Variants in DIAPH2 observed in about 807,000 individuals in gnomAD.
DIAPH2 encodes the protein diaphanous related formin 2.
Under a neutral mutation model 92.7 loss-of-function variants are expected in DIAPH2, and 35 were observed. That is an observed-to-expected ratio of 0.38 (90% CI 0.29 to 0.50). The LOEUF (loss-of-function observed/expected upper bound fraction) is 0.50, where lower values mean the gene tolerates loss of function less well. DIAPH2 is among the 20% of genes least tolerant of loss of function. The pLI is 0.94. For synonymous variants in DIAPH2, 301 were observed against 280.4 expected (o/e 1.07, Z -0.73); for missense variants, 701 against 819.5 (o/e 0.86, Z 1.77).
At chrX:97,308,354 C>T (rs768830329) in intron 23 of DIAPH2, among the ~76,000 whole-genome samples, 1 of 111,543 alleles carries the variant, frequency 9.0e-6, no homozygotes, top group South Asian at 3.8e-4. Context: ...AGTCTTCCCA[C>T]ACTGTGCTTA....
rs1410062234 is a variant in DIAPH2 at position 96,752,022 on chromosome X, A to C, written c.343-6132A>C. Among the ~76,000 whole-genome samples, 15 of 111,986 alleles carry C rather than the reference A, an allele frequency of 1.3e-4. No homozygotes were observed. The East Asian group carries it at 3.9e-3, about 29-fold the overall frequency. On this transcript the variant is annotated intron_variant, in intron 3 of 26. Transcript: ENST00000324765. ...ATGTATTATAGATATATCAAATGTT[A>C]AACATGCTAAAAGCTTGCTTTTGTT...
chrX:96,841,101 C>T (rs233688), intron 4 of DIAPH2, among the ~76,000 whole-genome samples: 46,322 of 110,648 alleles, frequency 0.42, 8,300 homozygotes, highest in African/African-American at 0.71. Context: ...AACCAATTGC[C>T]TTGCATTTTG....
intron 1 of DIAPH2, among the ~76,000 whole-genome samples, chrX:96,729,382 G>A (rs1034618937): frequency 1.8e-5 from 2 of 111,994 alleles, no homozygotes; most frequent in Admixed American, 9.5e-5. Context: ...GGCACTAAGT[G>A]ACTTCCTCCA....
chrX:96,985,213 G>A (rs1296300721), intron 17 of DIAPH2, among the ~76,000 whole-genome samples: 1 of 111,426 alleles, frequency 9.0e-6, no homozygotes, highest in Non-Finnish European at 1.9e-5. Flanking sequence ...GCTTATCTGA[G>A]TACCAGGATG....
In DIAPH2 at chrX:97,227,282, A is replaced by C. The variant is rs770485767; in HGVS notation, c.2720-20433A>C. Among the ~76,000 whole-genome samples, 4 of 111,407 alleles carry C rather than the reference A, an allele frequency of 3.6e-5. No homozygotes were observed. In the East Asian group the frequency reaches 8.4e-4, roughly 23 times the overall value. Reference sequence around the variant, plus strand: ...AAGCAAGACTTCGTCTAAAAAAAAAACTCACAAAATCAATAAAGCAATGTG... The same window carrying C: ...AAGCAAGACTTCGTCTAAAAAAAAACCTCACAAAATCAATAAAGCAATGTG... On this transcript the variant is annotated intron_variant, in intron 22 of 26. Coordinates refer to ENST00000324765, the MANE Select transcript of DIAPH2 (RefSeq NM_006729.5).
In DIAPH2 at chrX:96,937,330, A is replaced by G. The variant is rs1209311891; in HGVS notation, c.1187A>G (p.Asn396Ser). The stretch of plus-strand genomic sequence containing the variant: ...CTAACTGAATTATCACACCGTCTCA[A>G]TGACATTCGAGCAGAAATGGAATAT... ...DDLTELSHRL[N>S]DIRAEMDDMN... The change falls in exon 11 of 27, where the codon AAT (asparagine) becomes AGT (serine). Residue 396 changes from asparagine to serine, a missense_variant. By Grantham distance (46) the Asn-to-Ser change is conservative. Transcript: ENST00000324765. The G allele has an allele frequency of 5.3e-6, 6 of 1,136,647 alleles. No individual in the cohort carries two copies. Among genetic ancestry groups the G allele is most frequent in the Middle Eastern group, 2.5e-4 (1 of 4,026 alleles). 93.7% of individuals were successfully genotyped at this position (1,136,647 alleles called of 1,213,427 possible).
intron 25 of DIAPH2, among the ~76,000 whole-genome samples, chrX:97,387,068 G>C (rs1477042869): frequency 9.0e-6 from 1 of 110,945 alleles, no homozygotes; most frequent in Admixed American, 9.6e-5. Flanking sequence ...TTTTGTTTTT[G>C]TTTTGTTTTT....
chrX:97,381,074 CAT>C (rs1012751234), intron 24 of DIAPH2, among the ~76,000 whole-genome samples: 2 of 111,478 alleles, frequency 1.8e-5, no homozygotes, highest in African/African-American at 3.2e-5. Context: ...GCTTCCCTCT[CAT>C]ATAAAAATTT....
chrX:96,794,975 G>T (rs2064527951), intron 4 of DIAPH2, among the ~76,000 whole-genome samples: 1 of 111,474 alleles, frequency 9.0e-6, no homozygotes, highest in African/African-American at 3.3e-5. Context: ...ACTCTTCTCT[G>T]TATGTCTTTT....
intron 24 of DIAPH2, among the ~76,000 whole-genome samples, chrX:97,352,388 A>C (rs776816742): frequency 9.0e-6 from 1 of 111,548 alleles, no homozygotes; most frequent in Non-Finnish European, 1.9e-5. Context: ...GCAGAATTGG[A>C]TAATGTCTTT....
chrX:96,886,888 G>T (rs949953017), intron 5 of DIAPH2, among the ~76,000 whole-genome samples: 2 of 102,759 alleles, frequency 1.9e-5, no homozygotes, highest in African/African-American at 7.4e-5. Context: ...TATACTAGGA[G>T]CATGCGGAGG....
At chrX:97,416,304 A>G (rs1005742338) in intron 25 of DIAPH2, among the ~76,000 whole-genome samples, 8 of 111,960 alleles carry the variant, frequency 7.1e-5, no homozygotes, top group Non-Finnish European at 1.3e-4. Context: ...GCTTTTATAC[A>G]TTGCTGACCA....
intron 23 of DIAPH2, among the ~76,000 whole-genome samples, chrX:97,275,253 C>T (rs747419405): frequency 2.0e-4 from 20 of 101,294 alleles, no homozygotes; most frequent in African/African-American, 5.6e-4. Context: ...CCAGACGGGG[C>T]GGCTGGCCGG....
intron 24 of DIAPH2, among the ~76,000 whole-genome samples, chrX:97,382,772 A>T (rs1347498995): frequency 1.8e-5 from 2 of 111,680 alleles, no homozygotes; most frequent in African/African-American, 6.5e-5. Context: ...AGTCAGGAGA[A>T]TTTTGAAAGT....
At chrX:97,311,499 T>G (rs1408947385) in intron 23 of DIAPH2, among the ~76,000 whole-genome samples, 1 of 111,254 alleles carries the variant, frequency 9.0e-6, no homozygotes, top group Admixed American at 9.6e-5. Context: ...GGGAAGCCTG[T>G]GAGCCGGGAG....
At chrX:97,079,196 A>G (rs1034349149) in intron 19 of DIAPH2, among the ~76,000 whole-genome samples, 2 of 110,928 alleles carry the variant, frequency 1.8e-5, no homozygotes, top group African/African-American at 6.6e-5. Context: ...CCTAACCCCT[A>G]TATACACCAG....
chrX:96,687,519 A>T (rs2063777697), intron 1 of DIAPH2, among the ~76,000 whole-genome samples: 1 of 108,609 alleles, frequency 9.2e-6, no homozygotes, highest in Non-Finnish European at 1.9e-5. Flanking sequence ...GGCTCACTGC[A>T]ACCTCTGCCT....
intron 26 of DIAPH2, among the ~76,000 whole-genome samples, chrX:97,595,738 T>C (rs919835592): frequency 8.1e-5 from 9 of 111,237 alleles, no homozygotes; most frequent in Non-Finnish European, 1.5e-4. Context: ...ATTTAAGTGA[T>C]TCTCCTGCCT....
intron 4 of DIAPH2, among the ~76,000 whole-genome samples, chrX:96,867,774 T>C (rs1569416028): frequency 1.8e-5 from 2 of 111,770 alleles, no homozygotes; most frequent in African/African-American, 6.5e-5. Context: ...TTATATATAC[T>C]AATATAAACA....
Sources: allele counts gnomAD v4.1 joint callset (sites outside exome capture counted in the v4.1 genomes callset), GRCh38; gene constraint gnomAD v4.1.1; transcripts MANE v1.5; gene names NCBI Gene and HGNC (gene_info 2026-07-23, HGNC 2026-07-21).